Variants in SIL1 observed in about 807,000 individuals in gnomAD.
SIL1 encodes nucleotide exchange factor SIL1.
SIL1 carries 40 observed loss-of-function variants against 49.1 expected under a neutral mutation model. The observed-to-expected ratio is 0.81, with a 90% CI of 0.63 to 1.06. The LOEUF is 1.06. SIL1 is among the 50% of genes least tolerant of loss of function. SIL1 has a pLI of 0.00. For missense variants in SIL1, 500 were observed against 572.6 expected, an observed-to-expected ratio of 0.87 and a Z score of 1.29; for synonymous variants, 253 against 250.8, an observed-to-expected ratio of 1.01 and a Z score of -0.08.
In SIL1 at chr5:139,198,362, A is replaced by G. The variant is rs1752322895; in HGVS notation, c.-104T>C. The G allele has an allele frequency of 6.6e-6, 1 of 152,070 alleles. No individual in the cohort carries two copies. The highest frequency in any genetic ancestry group is 6.5e-5 in the Admixed American group (1 of 15,276). 9.4% of individuals were successfully genotyped at this position (152,070 alleles called of 1,614,324 possible). On this transcript the variant is annotated 5_prime_UTR_variant, in exon 1 of 10. Transcript: ENST00000394817. ...CTCCCCCTGCGCAAACGCGGCGGCG[A>G]CCGTCTGAGCCGGTGAGCTGGCAGC...
intron 1 of SIL1, among the ~76,000 whole-genome samples, chr5:139,171,697 T>G (rs1406936068): frequency 1.4e-5 from 1 of 69,280 alleles, no homozygotes; most frequent in South Asian, 3.9e-4. Flanking sequence ...GAATGATCAA[T>G]AAAAAAAAAT....
chr5:139,043,945 C>G (rs1769099388), intron 4 of SIL1, among the ~76,000 whole-genome samples: 1 of 152,250 alleles, frequency 6.6e-6, no homozygotes, highest in Non-Finnish European at 1.5e-5. Flanking sequence ...GGGCTACTGG[C>G]CTGCTCTACT....
chr5:139,049,813 T>C (rs1424651980), intron 4 of SIL1, among the ~76,000 whole-genome samples: 1 of 142,650 alleles, frequency 7.0e-6, no homozygotes, highest in Admixed American at 7.0e-5. Flanking sequence ...AAAAAAAAAA[T>C]CATCATCATC....
chr5:139,150,912 C>T (rs888190586), intron 1 of SIL1, among the ~76,000 whole-genome samples: 8 of 152,166 alleles, frequency 5.3e-5, no homozygotes, highest in Non-Finnish European at 1.0e-4. Context: ...TGCACGGAGA[C>T]ATACCTACAC....
At chr5:139,100,922 T>TA (rs375986669) in intron 3 of SIL1, among the ~76,000 whole-genome samples, 335 of 146,002 alleles carry the variant, frequency 2.3e-3, no homozygotes, top group African/African-American at 6.3e-3. Context: ...AGGTTGGAGA[T>TA]AAAAAAAAAA....
At chr5:139,036,780 A>G (rs1036775410) in intron 5 of SIL1, among the ~76,000 whole-genome samples, 3 of 152,204 alleles carry the variant, frequency 2.0e-5, no homozygotes, top group African/African-American at 7.2e-5. Flanking sequence ...AATAATCTAT[A>G]CAACAAACCC....
intron 7 of SIL1, among the ~76,000 whole-genome samples, chr5:139,004,752 A>G (rs541274279): frequency 4.6e-5 from 7 of 152,342 alleles, no homozygotes; most frequent in African/African-American, 1.4e-4. Flanking sequence ...ATGTACACAC[A>G]CAATGGAGTA....
intron 7 of SIL1, among the ~76,000 whole-genome samples, chr5:139,015,886 A>G (rs967117436): frequency 6.6e-6 from 1 of 152,196 alleles, no homozygotes; most frequent in South Asian, 2.1e-4. Flanking sequence ...TCTTCTGCCT[A>G]AACATGTTGC....
chr5:139,096,546 C>A (rs1770470834), intron 3 of SIL1, among the ~76,000 whole-genome samples: 1 of 151,424 alleles, frequency 6.6e-6, no homozygotes, highest in African/African-American at 2.4e-5. Flanking sequence ...AAAAGAGGCC[C>A]CTTCCTTCTG....
At position 139,133,816 on chromosome 5, in the gene SIL1, G is replaced by C. The variant is rs552880745; in HGVS notation, c.-10-5963C>G. Among the ~76,000 whole-genome samples the C allele has an allele frequency of 5.3e-5, 8 of 152,322 alleles. No homozygotes were observed. The South Asian group carries it at 1.7e-3, about 32-fold the overall frequency. ...TCTCCTGGGAAAAGTGAAAGGGCAA[G>C]AATTCCTACTTCCATTTTATAAGGA... is the stretch of plus-strand genomic sequence containing the variant. On this transcript the variant is annotated intron_variant, in intron 1 of 9. Coordinates refer to ENST00000394817, the MANE Select transcript of SIL1 (RefSeq NM_022464.5).
intron 1 of SIL1, among the ~76,000 whole-genome samples, chr5:139,185,386 A>T (rs1752060714): frequency 6.6e-6 from 1 of 152,192 alleles, no homozygotes; most frequent in East Asian, 1.9e-4. Flanking sequence ...GCTCACATTT[A>T]TCTCAGTTTT....
chr5:139,084,970 ATACT>A (rs1344789636), intron 3 of SIL1, among the ~76,000 whole-genome samples: 2 of 152,212 alleles, frequency 1.3e-5, no homozygotes, highest in Admixed American at 1.3e-4. Context: ...CATACCATAC[ATACT>A]GTTGTGCAAC....
At chr5:139,003,106 C>T (rs1255629898) in intron 7 of SIL1, among the ~76,000 whole-genome samples, 1 of 152,070 alleles carries the variant, frequency 6.6e-6, no homozygotes, top group East Asian at 1.9e-4. Context: ...GAACCACCAT[C>T]TCAGGAGCTG....
At chr5:138,962,549 A>G (rs760811732) in intron 7 of SIL1, among the ~76,000 whole-genome samples, 20 of 152,270 alleles carry the variant, frequency 1.3e-4, no homozygotes, top group Non-Finnish European at 2.4e-4. Context: ...ATACATAAAC[A>G]TACCCAGAGT....
At chr5:139,169,972 T>C (rs1751710136) in intron 1 of SIL1, among the ~76,000 whole-genome samples, 2 of 152,222 alleles carry the variant, frequency 1.3e-5, no homozygotes, top group African/African-American at 4.8e-5. Context: ...CCCTGCCTGA[T>C]TCTCCTGCCT....
At chr5:139,097,317 T>C (rs949922447) in intron 3 of SIL1, among the ~76,000 whole-genome samples, 10 of 152,024 alleles carry the variant, frequency 6.6e-5, no homozygotes, top group African/African-American at 2.2e-4. Flanking sequence ...TGGCTGGCTT[T>C]GCTACCTGCT....
intron 7 of SIL1, among the ~76,000 whole-genome samples, chr5:139,019,206 C>T (rs1459373812): frequency 1.3e-5 from 2 of 152,196 alleles, no homozygotes; most frequent in East Asian, 1.9e-4. Context: ...GTATACACAC[C>T]TGTATACTAG....
At chr5:139,185,497 A>G (rs1752062446) in intron 1 of SIL1, among the ~76,000 whole-genome samples, 1 of 152,256 alleles carries the variant, frequency 6.6e-6, no homozygotes, top group African/African-American at 2.4e-5. Context: ...CCAATGAGCC[A>G]TAGTAAAATT....
intron 1 of SIL1, among the ~76,000 whole-genome samples, chr5:139,136,940 G>T (rs370358770): frequency 3.3e-5 from 5 of 152,270 alleles, no homozygotes; most frequent in African/African-American, 1.2e-4. Context: ...AGTCACTCCA[G>T]CAGAAGGAGG....
Sources: gnomAD v4.1 joint callset for allele counts (sites outside exome capture counted in the v4.1 genomes callset) on GRCh38, gnomAD v4.1.1 for gene constraint, MANE v1.5 for transcripts, NCBI Gene and HGNC (gene_info 2026-07-23, HGNC 2026-07-21) for gene names.